The following RPS16 variants were observed in gnomAD, a reference collection of about 807,000 sequenced individuals.
RPS16 encodes ribosomal protein S16, also known as small ribosomal subunit protein uS9.
Under a neutral mutation model 20.1 loss-of-function variants are expected in RPS16, and 2 were observed. The ratio of observed to expected loss-of-function variants is 0.10; its 90% CI spans 0.04 to 0.31. The LOEUF is 0.31. Ranked by LOEUF, RPS16 falls within the 10% of genes least tolerant of loss-of-function variation. The probability of loss-of-function intolerance (pLI) is 1.00; values close to 1 mark genes in which losing one functional copy is unlikely to be tolerated. For missense variants in RPS16, 129 were observed against 198.6 expected (o/e 0.65, Z 2.11); for synonymous variants, 95 against 76.1 (o/e 1.25, Z -1.29).
In RPS16 at chr19:39,435,929, C is replaced by G. The variant is rs1444363118; in HGVS notation, c.-34G>C. On this transcript the variant is annotated 5_prime_UTR_variant, in exon 1 of 5. Transcript: ENST00000251453. The stretch of plus-strand genomic sequence containing the variant: ...GCGTGGACTAGACAACCTCACCGCG[C>G]GGCGCCGCAACCGGAAAAGGAAAGC... The G allele has an allele frequency of 6.2e-7, 1 of 1,602,256 alleles. No individual in the cohort carries two copies.
chr19:39,435,793 T>C, intron 1 of RPS16, 55 bp downstream of exon 1: 1 of 1,608,352 alleles, frequency 6.2e-7, no homozygotes, highest in African/African-American at 1.3e-5. Context: ...CACCGACCTC[T>C]CCCAGACCCT....
At position 39,435,714 on chromosome 19, in the gene RPS16, A is replaced by G. The variant is rs2078858352; in HGVS notation, c.49-6T>C. The G allele has an allele frequency of 1.2e-6, 2 of 1,613,036 alleles. No homozygotes were observed. Among genetic ancestry groups the G allele is most frequent in the Admixed American group, 3.3e-5 (2 of 59,996 alleles). On this transcript the variant is annotated splice_region_variant and splice_polypyrimidine_tract_variant and intron_variant, in intron 1 of 4. Coordinates refer to ENST00000251453, the MANE Select transcript of RPS16 (RefSeq NM_001020.6). ...GCCACAGCTGTCGCTGTCTTCTGTA[A>G]GATACAAGAGAAACAGGGGCCCCGT...
At position 39,433,255 on chromosome 19, in the gene RPS16, T is replaced by C; in HGVS notation, c.*18A>G. 1 of 1,611,662 alleles carries C rather than the reference T, an allele frequency of 6.2e-7. No homozygotes were observed. Among genetic ancestry groups the C allele is most frequent in the East Asian group, 2.2e-5 (1 of 44,880 alleles). ...AAAAACTGTTTATTATACAAGTGAG[T>C]TTTGAGTCACGATGGGCTTATCGGT... On this transcript the variant is annotated 3_prime_UTR_variant, in exon 5 of 5. Coordinates refer to ENST00000251453, the MANE Select transcript of RPS16 (RefSeq NM_001020.6).
chr19:39,434,034 T>G lies in RPS16; in HGVS notation c.151-273A>C, dbSNP rs565002378. 5.5e-4 allele frequency: 246 copies of G among 446,290 alleles called. 1 individual carries two copies. Among genetic ancestry groups the G allele is most frequent in the Middle Eastern group, 1.3e-3 (2 of 1,486 alleles). 27.6% of individuals were successfully genotyped at this position (446,290 alleles called of 1,614,324 possible). ...TCCTACTTGTGTCCCTCACTGGACC[T>G]CAGACACCCTACCTCTAAGACTGGT... On this transcript the variant is annotated intron_variant, in intron 2 of 4. Coordinates refer to ENST00000251453, the MANE Select transcript of RPS16 (RefSeq NM_001020.6).
intron 2 of RPS16, chr19:39,435,364 G>C (rs563156250): frequency 2.4e-5 from 12 of 505,432 alleles, no homozygotes; most frequent in African/African-American, 2.3e-4. Flanking sequence ...CCGCCCCAGT[G>C]AGGTGAGCTT....
At chr19:39,435,194 G>C (rs1405842862) in intron 2 of RPS16, 1 of 174,820 alleles carries the variant, frequency 5.7e-6, no homozygotes, top group Non-Finnish European at 1.2e-5. Flanking sequence ...AGCTACTCAA[G>C]AGGCTGAGGC....
chr19:39,433,634 C>A (rs757870175), intron 3 of RPS16, 31 bp downstream of exon 3: 2 of 1,614,240 alleles, frequency 1.2e-6, no homozygotes. Flanking sequence ...CCAGAGCCAC[C>A]TCCTCCATGC....
rs559332881 is a variant in RPS16, at chr19:39,435,659, T to C, written c.98A>G (p.Lys33Arg). Residue 33 changes from lysine (K) to arginine (R), a missense_variant, in exon 2 of 5, where the codon AAG (lysine) becomes AGG (arginine). Transcript: ENST00000251453. Reference protein sequence around the residue: ...AHCKRGNGLIKVNGRPLEMIE... With the variant: ...AHCKRGNGLIRVNGRPLEMIE... ...CATCTCCAGGGGCCGCCCGTTCACC[T>C]TGATGAGACCATTGCCGCGTTTGCA... 4.6e-5 allele frequency: 75 copies of C among 1,614,122 alleles called. No individual in the cohort carries two copies. Among genetic ancestry groups the C allele is most frequent in the Non-Finnish European group, 5.9e-5 (70 of 1,180,040 alleles).
chr19:39,433,642 T>C (rs750927625), intron 3 of RPS16, 23 bp downstream of exon 3: 36 of 1,614,090 alleles, frequency 2.2e-5, no homozygotes, highest in Non-Finnish European at 3.0e-5. Flanking sequence ...ACCTCCTCCA[T>C]GCGCCCAGTT....
chr19:39,433,829 T>A, intron 2 of RPS16, 68 bp from the exon 3 acceptor site: 1 of 1,496,998 alleles, frequency 6.7e-7, no homozygotes, highest in Non-Finnish European at 9.1e-7. Context: ...TCACTGGGCT[T>A]CTTGTTTCTG....
chr19:39,435,301 A>G (rs1405765609), intron 2 of RPS16: 1 of 336,058 alleles, frequency 3.0e-6, no homozygotes, highest in African/African-American at 2.3e-5. Flanking sequence ...TCCCTCTCAA[A>G]ACAAATAAAT....
chr19:39,435,700 C>A lies in RPS16; in HGVS notation c.57G>T (p.Ala19=). 1 of 1,613,602 alleles carries A rather than the reference C, an allele frequency of 6.2e-7. No individual in the cohort carries two copies. Among genetic ancestry groups the A allele is most frequent in the Non-Finnish European group, 8.5e-7 (1 of 1,179,982 alleles). ...CGCGTTTGCAGTGCGCCACAGCTGT[C>A]GCTGTCTTCTGTAAGATACAAGAGA... is the stretch of plus-strand genomic sequence containing the variant. ...SVQVFGRKKT[A]TAVAHCKRGN... is the part of the protein sequence containing the mutation. Residue 19 remains alanine, a synonymous_variant, in exon 2 of 5, where the codon GCG becomes GCT. Transcript: ENST00000251453.
intron 2 of RPS16, chr19:39,434,755 G>A (rs530301896): frequency 1.3e-5 from 2 of 152,210 alleles, no homozygotes; most frequent in Non-Finnish European, 1.5e-5. Context: ...GTTTAAGGCT[G>A]CAGTTCATTA....
rs773198372 is a variant in RPS16 at position 39,433,576 on chromosome 19, G to T, written c.248-7C>A. ...GAGATGGACTGACGGATAGCTGTGAGAAAGACACACAATTAAAGGGTACAG... is the reference window on the plus strand; with the variant it reads ...GAGATGGACTGACGGATAGCTGTGATAAAGACACACAATTAAAGGGTACAG... On this transcript the variant is annotated splice_polypyrimidine_tract_variant and splice_region_variant and intron_variant, in intron 3 of 4. Transcript: ENST00000251453. 1 of 1,614,124 alleles carries T rather than the reference G, an allele frequency of 6.2e-7. No homozygotes were observed. The highest frequency in any genetic ancestry group is 8.5e-7 in the Non-Finnish European group (1 of 1,180,052).
chr19:39,435,543 A>T, intron 2 of RPS16, 64 bp downstream of exon 2: 12 of 1,384,020 alleles, frequency 8.7e-6, no homozygotes, highest in Non-Finnish European at 1.2e-5. Context: ...AGCTTTCAAG[A>T]GCTACAACAT....
At chr19:39,433,455 A>G (rs770001394) in intron 4 of RPS16, 37 bp from the exon 5 acceptor site, 6 of 1,613,202 alleles carry the variant, frequency 3.7e-6, no homozygotes, top group African/African-American at 1.3e-5. Flanking sequence ...TTAGATAATC[A>G]CACAGAGTCC....
At position 39,435,550 on chromosome 19, in the gene RPS16, A is replaced by C. The variant is rs548761620; in HGVS notation, c.150+57T>G. The stretch of plus-strand genomic sequence containing the variant: ...GCCCCCCCAGCTTTCAAGAGCTACA[A>C]CATCTCTGTCTCCAAGAGTCCTCCA... On this transcript the variant is annotated intron_variant, in intron 2 of 4. Coordinates refer to ENST00000251453, the MANE Select transcript of RPS16 (RefSeq NM_001020.6). 3.3e-5 allele frequency: 47 copies of C among 1,444,056 alleles called. No homozygotes were observed. The East Asian group carries it at 1.1e-3, about 32-fold the overall frequency. The allele number at this position is 1,444,056 out of a possible 1,614,324, so 89.5% of individuals were successfully genotyped here.
At chr19:39,434,069 G>T in intron 2 of RPS16, 1 of 384,728 alleles carries the variant, frequency 2.6e-6, no homozygotes, top group Non-Finnish European at 4.9e-6. Flanking sequence ...TTCTTAGAAG[G>T]CTGAACAGTA....
Position 39,433,749 on chromosome 19 carries a change from C to T in RPS16, c.163G>A (p.Val55Ile). The T allele has an allele frequency of 1.9e-6, 3 of 1,614,132 alleles. No individual in the cohort carries two copies. The highest frequency in any genetic ancestry group is 2.5e-6 in the Non-Finnish European group (3 of 1,180,026). ...RTLQYKLLEP[V>I]LLLGKERFAG... Reference sequence around the variant, plus strand: ...AATCGCTCCTTGCCGAGAAGCAGAACTGGCTCCAGCAGCTAAAGGAATGGG... The same window carrying T: ...AATCGCTCCTTGCCGAGAAGCAGAATTGGCTCCAGCAGCTAAAGGAATGGG... The change falls in exon 3 of 5, where the codon GTT becomes ATT. Residue 55 changes from valine (V) to isoleucine (I), a missense_variant. By Grantham distance (29) the Val-to-Ile change is conservative. Transcript: ENST00000251453.
Sources: gnomAD v4.1 joint callset for allele counts on GRCh38, gnomAD v4.1.1 for gene constraint, MANE v1.5 for transcripts, NCBI Gene and HGNC (gene_info 2026-07-23, HGNC 2026-07-21) for gene names.